Variants in KIRREL3 observed in about 807,000 individuals in gnomAD.
KIRREL3 encodes kin of IRRE-like protein 3.
A neutral mutation model predicts 89.7 loss-of-function variants in KIRREL3; 36 were observed. The observed-to-expected ratio is 0.40, with a 90% confidence interval of 0.31 to 0.53. KIRREL3 has a LOEUF of 0.53. Ranked by LOEUF, KIRREL3 falls within the 20% of genes least tolerant of loss-of-function variation. The pLI is 0.49. For synonymous variants in KIRREL3, 445 were observed against 441.4 expected (o/e 1.01, Z -0.10); for missense variants, 864 against 1,056.6 (o/e 0.82, Z 2.53).
At position 126,459,457 on chromosome 11, in the gene KIRREL3, C is replaced by T. The variant is rs1045888688; in HGVS notation, c.743-3003G>A. ...GTTCCACACTCACTGGCCATATCTG[C>T]ACCTCCACCCCAAGACCAGAGGTGC... is the stretch of plus-strand genomic sequence containing the variant. On this transcript the variant is annotated intron_variant, in intron 6 of 16. Coordinates refer to ENST00000525144, the MANE Select transcript of KIRREL3 (RefSeq NM_032531.4). This position sits in a 1 kb window ranked among gnomAD's most constrained non-coding sequence, Gnocchi z 4.8. Among the ~76,000 whole-genome samples the T allele has an allele frequency of 1.3e-5, 2 of 152,174 alleles. No homozygotes were observed. The highest frequency in any genetic ancestry group is 4.8e-5 in the African/African-American group (2 of 41,444).
At chr11:126,838,025 C>T (rs1943838062) in intron 1 of KIRREL3, among the ~76,000 whole-genome samples, 1 of 152,126 alleles carries the variant, frequency 6.6e-6, no homozygotes, top group South Asian at 2.1e-4. Flanking sequence ...AGTCATTGCC[C>T]ATCATCCCTC....
At chr11:126,934,493 T>C (rs963628687) in intron 1 of KIRREL3, among the ~76,000 whole-genome samples, 1 of 152,082 alleles carries the variant, frequency 6.6e-6, no homozygotes, top group Non-Finnish European at 1.5e-5. Flanking sequence ...AAGACAATAT[T>C]AGGAAAATGA....
At chr11:126,738,443 T>C (rs528175715) in intron 1 of KIRREL3, among the ~76,000 whole-genome samples, 1 of 152,256 alleles carries the variant, frequency 6.6e-6, no homozygotes, top group Non-Finnish European at 1.5e-5. Flanking sequence ...TGGACTTCAC[T>C]TGAGTCCTCA....
chr11:126,796,835 G>A lies in KIRREL3; in HGVS notation c.55+203620C>T, dbSNP rs1249425841. Among the ~76,000 whole-genome samples the A allele has an allele frequency of 1.3e-5, 2 of 151,932 alleles. No individual in the cohort carries two copies. The highest frequency in any genetic ancestry group is 2.9e-5 in the Non-Finnish European group (2 of 68,002). On this transcript the variant is annotated intron_variant, in intron 1 of 16. Transcript: ENST00000525144. This position sits in a 1 kb window ranked among gnomAD's most constrained non-coding sequence, Gnocchi z 5.1. ...CCCACCCCTGCTTTTTAAAAATGTT[G>A]GTGCTCCAATTAGAGCTGTACCTTA... is the stretch of plus-strand genomic sequence containing the variant.
At chr11:126,580,124 C>T (rs1486989274) in intron 1 of KIRREL3, among the ~76,000 whole-genome samples, 1 of 152,196 alleles carries the variant, frequency 6.6e-6, no homozygotes, top group Admixed American at 6.5e-5. Flanking sequence ...GGATTACAGG[C>T]GTGAGCCACC....
Position 126,642,462 on chromosome 11 carries a change from C to A in KIRREL3, c.56-79550G>T, listed in dbSNP as rs1314609084. Among the ~76,000 whole-genome samples, 3 of 152,234 alleles carry A rather than the reference C, an allele frequency of 2.0e-5. No individual in the cohort carries two copies. The highest frequency in any genetic ancestry group is 2.4e-5 in the African/African-American group (1 of 41,458). ...ACATTACAATGTGGCCTAGCCCAAG[C>A]TAGACTCACTAGAAATGTTAACTCT... On this transcript the variant is annotated intron_variant, in intron 1 of 16. Coordinates refer to ENST00000525144, the MANE Select transcript of KIRREL3 (RefSeq NM_032531.4). The surrounding 1 kb of genome is among the most constrained non-coding windows in gnomAD (Gnocchi z 4.9).
At chr11:126,556,259 G>C (rs1366835925) in intron 2 of KIRREL3, among the ~76,000 whole-genome samples, 1 of 152,092 alleles carries the variant, frequency 6.6e-6, no homozygotes, top group African/African-American at 2.4e-5. Context: ...GAGATGGAGA[G>C]AGGAGGGTGG....
Position 126,535,475 on chromosome 11 carries a change from C to T in KIRREL3, c.134-8788G>A, listed in dbSNP as rs965017022. ...TTGCCCCTCAATCCCTAATTATTTC[C>T]TGAGGGGGAAGAGTCATTTTGCCAT... On this transcript the variant is annotated intron_variant, in intron 2 of 16. Coordinates refer to ENST00000525144, the MANE Select transcript of KIRREL3 (RefSeq NM_032531.4). The surrounding 1 kb of genome is among the most constrained non-coding windows in gnomAD (Gnocchi z 4.5). Among the ~76,000 whole-genome samples the T allele has an allele frequency of 6.6e-6, 1 of 152,118 alleles. No individual in the cohort carries two copies. Among genetic ancestry groups the T allele is most frequent in the African/African-American group, 2.4e-5 (1 of 41,420 alleles).
At chr11:126,939,731 C>T (rs1468348008) in intron 1 of KIRREL3, among the ~76,000 whole-genome samples, 1 of 152,188 alleles carries the variant, frequency 6.6e-6, no homozygotes, top group East Asian at 1.9e-4. Flanking sequence ...CCAAATGCTG[C>T]TATTTCCCTC....
chr11:126,611,161 G>A lies in KIRREL3; in HGVS notation c.56-48249C>T, dbSNP rs12364722. Reference sequence around the variant, plus strand: ...GAAGTCACAAAGACCTAATCTGGGAGGTGGGAATAGTCATAGAAAAAGGAT... The same window carrying A: ...GAAGTCACAAAGACCTAATCTGGGAAGTGGGAATAGTCATAGAAAAAGGAT... On this transcript the variant is annotated intron_variant, in intron 1 of 16. Coordinates refer to ENST00000525144, the MANE Select transcript of KIRREL3 (RefSeq NM_032531.4). The surrounding 1 kb of genome is among the most constrained non-coding windows in gnomAD (Gnocchi z 4.7). Among the ~76,000 whole-genome samples the A allele has an allele frequency of 0.18, 26,715 of 152,216 alleles. 2,990 individuals are homozygous for A. The highest frequency in any genetic ancestry group is 0.25 in the Non-Finnish European group (17,114 of 68,002).
intron 4 of KIRREL3, among the ~76,000 whole-genome samples, chr11:126,510,513 C>T (rs1272776720): frequency 3.4e-5 from 5 of 147,624 alleles, no homozygotes; most frequent in African/African-American, 1.3e-4. Flanking sequence ...GACACTGCAC[C>T]CTTTGCCTCT....
chr11:126,863,436 C>CGT (rs1565362912), intron 1 of KIRREL3, among the ~76,000 whole-genome samples: 6 of 60,464 alleles, frequency 9.9e-5, no homozygotes, highest in African/African-American at 2.8e-4. Context: ...TGTGTGAGTG[C>CGT]GTGTGTGAGT....
chr11:126,480,020 A>G (rs530361511), intron 4 of KIRREL3, among the ~76,000 whole-genome samples: 4 of 152,172 alleles, frequency 2.6e-5, no homozygotes, highest in Admixed American at 6.5e-5. Flanking sequence ...ACCACATCCT[A>G]TGGAAATCTC....
At position 126,530,757 on chromosome 11, in the gene KIRREL3, A is replaced by G. The variant is rs1205549441; in HGVS notation, c.134-4070T>C. ...AGGGTTTCCATCTTCTCCGCTTCGCATTTTCCCTGATGATGTTCCCCTGGT... is the reference window on the plus strand; with the variant it reads ...AGGGTTTCCATCTTCTCCGCTTCGCGTTTTCCCTGATGATGTTCCCCTGGT... On this transcript the variant is annotated intron_variant, in intron 2 of 16. Coordinates refer to ENST00000525144, the MANE Select transcript of KIRREL3 (RefSeq NM_032531.4). This position sits in a 1 kb window ranked among gnomAD's most constrained non-coding sequence, Gnocchi z 5.8. 1.3e-5 allele frequency among the ~76,000 whole-genome samples: 2 copies of G among 151,930 alleles called. No homozygotes were observed. Among genetic ancestry groups the G allele is most frequent in the South Asian group, 2.1e-4 (1 of 4,818 alleles).
intron 1 of KIRREL3, among the ~76,000 whole-genome samples, chr11:126,865,665 G>T (rs1228276602): frequency 1.3e-5 from 2 of 152,182 alleles, no homozygotes; most frequent in African/African-American, 2.4e-5. Context: ...GTGACCAATT[G>T]TACAGGACCC....
chr11:126,722,199 C>T (rs543525879), intron 1 of KIRREL3, among the ~76,000 whole-genome samples: 1 of 152,236 alleles, frequency 6.6e-6, no homozygotes, highest in African/African-American at 2.4e-5. Context: ...CAGTCATCAG[C>T]CCTTGGCTGA....
At chr11:126,533,302 C>T (rs935973234) in intron 2 of KIRREL3, among the ~76,000 whole-genome samples, 3 of 152,206 alleles carry the variant, frequency 2.0e-5, no homozygotes, top group African/African-American at 7.2e-5. Flanking sequence ...AGCCTCTTTG[C>T]GTCCTTATTT....
chr11:126,803,123 C>A (rs1310473547), intron 1 of KIRREL3, among the ~76,000 whole-genome samples: 2 of 152,188 alleles, frequency 1.3e-5, no homozygotes, highest in Non-Finnish European at 2.9e-5. Context: ...CTCTGCAGTG[C>A]CCAGTCTGAG....
rs931307769 is a variant in KIRREL3 at position 126,570,629 on chromosome 11, A to G, written c.56-7717T>C. On this transcript the variant is annotated intron_variant, in intron 1 of 16. Coordinates refer to ENST00000525144, the MANE Select transcript of KIRREL3 (RefSeq NM_032531.4). This position sits in a 1 kb window ranked among gnomAD's most constrained non-coding sequence, Gnocchi z 6.1. ...AGTGGCAGTGCCTAACACTGGGATAACCCTTTGCCAGCCCTGCCTTCTCCA... is the reference window on the plus strand; with the variant it reads ...AGTGGCAGTGCCTAACACTGGGATAGCCCTTTGCCAGCCCTGCCTTCTCCA... Among the ~76,000 whole-genome samples the G allele has an allele frequency of 6.6e-6, 1 of 152,056 alleles. No individual in the cohort carries two copies. Among genetic ancestry groups the G allele is most frequent in the Non-Finnish European group, 1.5e-5 (1 of 67,986 alleles).
Sources: gnomAD v4.1 joint callset for allele counts (sites outside exome capture counted in the v4.1 genomes callset) on GRCh38, gnomAD v4.1.1 for gene constraint, Gnocchi (gnomAD v3.1) non-coding constraint, MANE v1.5 for transcripts, NCBI Gene and HGNC (gene_info 2026-07-23, HGNC 2026-07-21) for gene names.